FAM135B: variants seen among roughly 807,000 people sequenced by gnomAD.
The protein encoded by FAM135B is family with sequence similarity 135 member B, also known as protein FAM135B.
Under a neutral mutation model 127.7 loss-of-function variants are expected in FAM135B, and 43 were observed. The ratio of observed to expected loss-of-function variants is 0.34; its 90% CI spans 0.26 to 0.43. The LOEUF is 0.43. FAM135B is among the 20% of genes least tolerant of loss of function. The pLI is 1.00. For synonymous variants in FAM135B, 670 were observed against 665.1 expected (o/e 1.01, Z -0.11); for missense variants, 1,558 against 1,725.6 (o/e 0.90, Z 1.72).
At chr8:138,280,826 G>T (rs1824208238) in intron 3 of FAM135B, among the ~76,000 whole-genome samples, 1 of 152,170 alleles carries the variant, frequency 6.6e-6, no homozygotes, top group Non-Finnish European at 1.5e-5. Flanking sequence ...AAGGGAAAGT[G>T]ACAGGAGGGT....
chr8:138,288,494 G>A (rs949071363), intron 3 of FAM135B, among the ~76,000 whole-genome samples: 1 of 152,134 alleles, frequency 6.6e-6, no homozygotes, highest in African/African-American at 2.4e-5. Context: ...AAGGAAGGTG[G>A]GGGAGACAGA....
At chr8:138,182,109 G>T (rs927114156) in intron 9 of FAM135B, among the ~76,000 whole-genome samples, 2 of 152,168 alleles carry the variant, frequency 1.3e-5, no homozygotes, top group African/African-American at 4.8e-5. Context: ...AGTGGCACCG[G>T]CAAACACAGC....
intron 3 of FAM135B, among the ~76,000 whole-genome samples, chr8:138,270,446 A>G (rs73719203): frequency 0.03 from 4,495 of 152,308 alleles, 143 homozygotes; most frequent in East Asian, 0.1. Context: ...GTTTGGCTAC[A>G]TTGTGAGCTG....
intron 3 of FAM135B, among the ~76,000 whole-genome samples, chr8:138,300,561 T>C (rs919749832): frequency 1.2e-4 from 19 of 152,096 alleles, no homozygotes; most frequent in African/African-American, 4.6e-4. Context: ...GACTACAGAA[T>C]TTCTTCTTAT....
chr8:138,400,729 T>C (rs1473668612), intron 1 of FAM135B, among the ~76,000 whole-genome samples: 1 of 150,578 alleles, frequency 6.6e-6, no homozygotes, highest in Non-Finnish European at 1.5e-5. Flanking sequence ...CATTTCCTCC[T>C]TGAGCTACCC....
intron 8 of FAM135B, among the ~76,000 whole-genome samples, chr8:138,196,157 T>C (rs1816610558): frequency 6.6e-6 from 1 of 152,196 alleles, no homozygotes; most frequent in Non-Finnish European, 1.5e-5. Context: ...AGGGTGTGAA[T>C]GAACAAATAA....
chr8:138,266,900 A>C (rs189616047), intron 3 of FAM135B, among the ~76,000 whole-genome samples: 2 of 152,276 alleles, frequency 1.3e-5, no homozygotes, highest in African/African-American at 4.8e-5. Context: ...ACCTATTTAT[A>C]ATAGGGAACA....
chr8:138,376,263 C>G (rs913792617), intron 1 of FAM135B, among the ~76,000 whole-genome samples: 1 of 152,142 alleles, frequency 6.6e-6, no homozygotes, highest in Non-Finnish European at 1.5e-5. Flanking sequence ...TCCTTCTTCT[C>G]CCTTCCTCAC....
rs564475120 is a variant in FAM135B, at chr8:138,381,530, T to C, written c.-19-13528A>G. ...CAGGTTAGGCTGTGAGCTCCATAAATTGAAGGACAGCCATGGAGTCTAGCA... is the reference window on the plus strand; with the variant it reads ...CAGGTTAGGCTGTGAGCTCCATAAACTGAAGGACAGCCATGGAGTCTAGCA... On this transcript the variant is annotated intron_variant, in intron 1 of 19. Transcript: ENST00000395297. 3.9e-5 allele frequency among the ~76,000 whole-genome samples: 6 copies of C among 152,126 alleles called. No individual in the cohort carries two copies. In the East Asian group the frequency reaches 7.8e-4, roughly 20 times the overall value.
In FAM135B at chr8:138,406,092, T is replaced by C. The variant is rs866879344; in HGVS notation, c.-19-38090A>G. Among the ~76,000 whole-genome samples, 1,151 of 147,720 alleles carry C rather than the reference T, an allele frequency of 7.8e-3. 20 individuals carry two copies. Among genetic ancestry groups the C allele is most frequent in the African/African-American group, 0.028 (1,075 of 38,556 alleles). ...CTCCTTTCTTGTAAATTTGTTTGAG[T>C]TCATTGTAGATTCTGGATATCAGCC... On this transcript the variant is annotated intron_variant, in intron 1 of 19. Coordinates refer to ENST00000395297, the MANE Select transcript of FAM135B (RefSeq NM_015912.4).
intron 13 of FAM135B, 120 bp downstream of exon 13, chr8:138,151,074 C>A: frequency 1.6e-6 from 1 of 606,198 alleles, no homozygotes; most frequent in Non-Finnish European, 2.7e-6. Flanking sequence ...GGTATATTAC[C>A]TTATTTAAAT....
At chr8:138,166,700 G>C (rs1819956846) in intron 12 of FAM135B, among the ~76,000 whole-genome samples, 1 of 152,134 alleles carries the variant, frequency 6.6e-6, no homozygotes, top group Admixed American at 6.6e-5. Flanking sequence ...GTAAATCTGA[G>C]ATATACATAC....
chr8:138,212,545 C>T (rs1278966588), intron 7 of FAM135B, among the ~76,000 whole-genome samples: 1 of 152,204 alleles, frequency 6.6e-6, no homozygotes, highest in Non-Finnish European at 1.5e-5. Flanking sequence ...TAGGCTATTT[C>T]ACAATTGGAT....
At chr8:138,154,648 C>T (rs1217510604) in intron 12 of FAM135B, among the ~76,000 whole-genome samples, 1 of 151,988 alleles carries the variant, frequency 6.6e-6, no homozygotes, top group Non-Finnish European at 1.5e-5. Flanking sequence ...ATGACACATG[C>T]ACAAGCTTGA....
At chr8:138,312,080 G>GTAGTCC (rs1352363556) in intron 2 of FAM135B, among the ~76,000 whole-genome samples, 1 of 152,082 alleles carries the variant, frequency 6.6e-6, no homozygotes, top group Non-Finnish European at 1.5e-5. Flanking sequence ...CCACGTAGCT[G>GTAGTCC]GGACTAGAGG....
chr8:138,139,853 C>A (rs1816977567), intron 17 of FAM135B, among the ~76,000 whole-genome samples: 2 of 152,112 alleles, frequency 1.3e-5, no homozygotes, highest in African/African-American at 4.8e-5. Flanking sequence ...ATTACATAAC[C>A]ACAACAAGCA....
chr8:138,177,753 C>T (rs73715207), intron 10 of FAM135B, among the ~76,000 whole-genome samples: 7,688 of 152,226 alleles, frequency 0.051, 340 homozygotes, highest in East Asian at 0.16. Flanking sequence ...TAAATAAATG[C>T]AGATGAAATA....
At chr8:138,145,834 G>C (rs1817605829) in intron 15 of FAM135B, 125 bp downstream of exon 15, 2 of 574,186 alleles carry the variant, frequency 3.5e-6, no homozygotes, top group Middle Eastern at 4.7e-4. Flanking sequence ...CAAATGCCTG[G>C]CCAGCATCTC....
Position 138,314,693 on chromosome 8 carries a change from C to CAGTAAATAAATAAATA in FAM135B, c.78-3774_78-3773insTATTTATTTATTTACT, listed in dbSNP as rs1554662772. ...GCAATATATGGAGACCCCATCCCTACAATAAATAAATAAATAAATAAATAA... is the reference window on the plus strand; with the variant it reads ...GCAATATATGGAGACCCCATCCCTACAGTAAATAAATAAATAAATAAATAAATAAATAAATAAATAA... On this transcript the variant is annotated intron_variant, in intron 2 of 19. Transcript: ENST00000395297. Among the ~76,000 whole-genome samples, 448 of 120,298 alleles carry CAGTAAATAAATAAATA rather than the reference C, an allele frequency of 3.7e-3. 2 individuals carry two copies. The highest frequency in any genetic ancestry group is 0.011 in the Admixed American group (126 of 11,792). The allele number at this position is 120,298 out of a possible 152,430, so 78.9% of individuals were successfully genotyped here. A position where few individuals can be genotyped will look rare whatever the true frequency, so the allele number is the denominator to read the frequency against.
Sources: gnomAD v4.1 joint callset for allele counts (sites outside exome capture counted in the v4.1 genomes callset) on GRCh38, gnomAD v4.1.1 for gene constraint, MANE v1.5 for transcripts, NCBI Gene and HGNC (gene_info 2026-07-23, HGNC 2026-07-21) for gene names.